ARHGEF26: variants seen among roughly 807,000 people sequenced by gnomAD.
ARHGEF26 encodes the protein Rho guanine nucleotide exchange factor 26, also known as Rho guanine nucleotide exchange factor (GEF) 26.
Under a neutral mutation model 89.4 loss-of-function variants are expected in ARHGEF26, and 59 were observed. The ratio of observed to expected loss-of-function variants is 0.66; its 90% CI spans 0.54 to 0.82. The LOEUF (loss-of-function observed/expected upper bound fraction) is 0.82, where lower values mean the gene tolerates loss of function less well. Ranked by LOEUF, ARHGEF26 falls within the 40% of genes least tolerant of loss-of-function variation. The pLI is 0.00. For missense variants in ARHGEF26, 1,234 were observed against 1,085.6 expected, an observed-to-expected ratio of 1.14 and a Z score of -1.92; for synonymous variants, 500 against 428.4, an observed-to-expected ratio of 1.17 and a Z score of -2.06.
intron 6 of ARHGEF26, among the ~76,000 whole-genome samples, chr3:154,161,789 G>A (rs1041520826): frequency 9.9e-5 from 15 of 152,128 alleles, no homozygotes; most frequent in African/African-American, 3.4e-4. Flanking sequence ...ACCTAGATTA[G>A]GACTAAAACC....
intron 14 of ARHGEF26, 91 bp downstream of exon 14, chr3:154,254,915 T>C (rs2108308284): frequency 2.0e-6 from 2 of 1,024,922 alleles, no homozygotes; most frequent in East Asian, 4.8e-5. Context: ...ATTGCCCATA[T>C]TCCAAATCTT....
chr3:154,232,590 C>G (rs1053564441), intron 11 of ARHGEF26, among the ~76,000 whole-genome samples: 1 of 152,046 alleles, frequency 6.6e-6, no homozygotes, highest in African/African-American at 2.4e-5. Flanking sequence ...AACAAAATGT[C>G]AGGCAATTTA....
chr3:154,122,436 G>T lies in ARHGEF26; in HGVS notation c.444G>T (p.Arg148=), dbSNP rs772726508. 5.0e-6 allele frequency: 8 copies of T among 1,611,166 alleles called. No individual in the cohort carries two copies. The East Asian group carries it at 1.1e-4, about 22-fold the overall frequency. The part of the protein sequence containing the change: ...PPPPPVLRPP[R]TPNAPAPCTP... Reference sequence around the variant, plus strand: ...CGCCGCCGGTTCTGCGCCCCCCGCGGACTCCTAACGCGCCCGCCCCCTGCA... The same window carrying T: ...CGCCGCCGGTTCTGCGCCCCCCGCGTACTCCTAACGCGCCCGCCCCCTGCA... Residue 148 remains arginine (R), a synonymous_variant, in exon 2 of 15, where the codon CGG becomes CGT. Transcript: ENST00000465093.
Position 154,129,612 on chromosome 3 carries a change from C to CTTGA in ARHGEF26, c.1163_1166dup (p.Ile390Ter). ...GTATCAAAACTACAAGGAAAAGGCCCTTGACATTGATTCTGATGAAGAGTC... is the reference window on the plus strand; with the variant it reads ...GTATCAAAACTACAAGGAAAAGGCCCTTGATTGACATTGATTCTGATGAAGAGTC... On this transcript the variant is annotated frameshift_variant, in exon 4 of 15. Transcript: ENST00000465093. LOFTEE classifies it high-confidence loss of function. 6.2e-7 allele frequency: 1 copy of CTTGA among 1,611,730 alleles called. No homozygotes were observed. Among genetic ancestry groups the CTTGA allele is most frequent in the Non-Finnish European group, 8.5e-7 (1 of 1,178,888 alleles).
intron 6 of ARHGEF26, among the ~76,000 whole-genome samples, chr3:154,182,656 C>T (rs570854477): frequency 6.6e-6 from 1 of 152,226 alleles, no homozygotes; most frequent in African/African-American, 2.4e-5. Flanking sequence ...AGCTGCTACT[C>T]TTCTTGCTGG....
intron 9 of ARHGEF26, among the ~76,000 whole-genome samples, chr3:154,202,214 C>T (rs968828049): frequency 1.8e-4 from 27 of 152,110 alleles, no homozygotes; most frequent in Non-Finnish European, 2.5e-4. Context: ...GTTTCAGCTT[C>T]CTACATATGG....
At chr3:154,227,431 G>A (rs750782231) in intron 11 of ARHGEF26, among the ~76,000 whole-genome samples, 7 of 151,480 alleles carry the variant, frequency 4.6e-5, no homozygotes, top group Admixed American at 1.3e-4. Context: ...GCAGGCGCCC[G>A]CTACCACACC....
intron 4 of ARHGEF26, among the ~76,000 whole-genome samples, chr3:154,141,554 G>A (rs1377845315): frequency 6.6e-6 from 1 of 152,208 alleles, no homozygotes; most frequent in Admixed American, 6.5e-5. Context: ...CCATGGAAGT[G>A]TTAAACGACA....
At chr3:154,215,630 A>G (rs1715671912) in intron 9 of ARHGEF26, among the ~76,000 whole-genome samples, 1 of 152,160 alleles carries the variant, frequency 6.6e-6, no homozygotes, top group African/African-American at 2.4e-5. Flanking sequence ...TGGGCAGTCC[A>G]AGACCAAGAT....
At chr3:154,236,310 C>T (rs1182779443) in intron 11 of ARHGEF26, among the ~76,000 whole-genome samples, 1 of 152,198 alleles carries the variant, frequency 6.6e-6, no homozygotes, top group Admixed American at 6.5e-5. Flanking sequence ...TCACTGTTTA[C>T]ACTTCAAGCA....
intron 6 of ARHGEF26, among the ~76,000 whole-genome samples, chr3:154,180,783 A>G (rs1053207463): frequency 2.0e-5 from 3 of 151,776 alleles, no homozygotes; most frequent in African/African-American, 7.3e-5. Flanking sequence ...GAGAAGACAT[A>G]TAGTCTGCTG....
chr3:154,175,433 T>TA (rs11328841), intron 6 of ARHGEF26, among the ~76,000 whole-genome samples: 165 of 150,026 alleles, frequency 1.1e-3, no homozygotes, highest in African/African-American at 3.4e-3. Context: ...AAGCTAGTGT[T>TA]AAAAAAAAAA....
At chr3:154,125,186 C>A (rs1718256295) in intron 3 of ARHGEF26, among the ~76,000 whole-genome samples, 1 of 151,924 alleles carries the variant, frequency 6.6e-6, no homozygotes, top group African/African-American at 2.4e-5. Flanking sequence ...TTCCAACCTT[C>A]AAAGAATAAT....
intron 12 of ARHGEF26, among the ~76,000 whole-genome samples, chr3:154,242,452 T>TAA (rs1717530940): frequency 6.6e-6 from 1 of 152,134 alleles, no homozygotes; most frequent in South Asian, 2.1e-4. Flanking sequence ...GAACTAGATT[T>TAA]AGAAATGGAG....
chr3:154,124,138 A>G (rs1013302610), intron 2 of ARHGEF26, among the ~76,000 whole-genome samples: 34 of 152,222 alleles, frequency 2.2e-4, no homozygotes, highest in African/African-American at 8.2e-4. Flanking sequence ...TTGTAAAATG[A>G]GCTGACCTGC....
rs371252863 is a variant in ARHGEF26 at position 154,234,829 on chromosome 3, A to G, written c.2091-5541A>G. ...CGCCCAGGCTGGAGTGCGGTGGCGC[A>G]ATCTCGGCTCACTGCAAGGTCCGCC... On this transcript the variant is annotated intron_variant, in intron 11 of 14. Transcript: ENST00000465093. Among the ~76,000 whole-genome samples the G allele has an allele frequency of 3.2e-4, 49 of 152,138 alleles. 1 individual carries two copies. The highest frequency in any genetic ancestry group is 9.4e-4 in the African/African-American group (39 of 41,500).
chr3:154,182,085 C>CTA (rs1027030761), intron 6 of ARHGEF26, among the ~76,000 whole-genome samples: 97 of 150,006 alleles, frequency 6.5e-4, no homozygotes, highest in South Asian at 2.5e-3. Flanking sequence ...TACACACACA[C>CTA]TATATATATA....
intron 6 of ARHGEF26, among the ~76,000 whole-genome samples, chr3:154,170,876 A>C (rs1357111591): frequency 6.6e-6 from 1 of 152,182 alleles, no homozygotes; most frequent in Admixed American, 6.5e-5. Flanking sequence ...CCTCTAATGT[A>C]AGGATGATTC....
chr3:154,199,211 C>T (rs1352100566), intron 9 of ARHGEF26, among the ~76,000 whole-genome samples: 1 of 151,840 alleles, frequency 6.6e-6, no homozygotes, highest in Non-Finnish European at 1.5e-5. Flanking sequence ...CTCCCCAGCC[C>T]CCGACTACCC....
Sources: allele counts gnomAD v4.1 joint callset (sites outside exome capture counted in the v4.1 genomes callset), GRCh38; gene constraint gnomAD v4.1.1; transcripts MANE v1.5; gene names NCBI Gene and HGNC (gene_info 2026-07-23, HGNC 2026-07-21).